The following GALNT13 variants were observed in gnomAD, a reference collection of about 807,000 sequenced individuals.
GALNT13 encodes the protein UDP-GalNAc:polypeptide N-acetylgalactosaminyltransferase 13.
GALNT13 carries 28 observed loss-of-function variants against 64.2 expected under a neutral mutation model. The ratio of observed to expected loss-of-function variants is 0.44; its 90% confidence interval spans 0.32 to 0.60. GALNT13 has a LOEUF of 0.60. Ranked by LOEUF, GALNT13 falls within the 20% of genes least tolerant of loss-of-function variation. GALNT13 has a pLI of 0.05. For synonymous variants in GALNT13, 214 were observed against 224.6 expected, an observed-to-expected ratio of 0.95 and a Z score of 0.42; for missense variants, 577 against 669.8, an observed-to-expected ratio of 0.86 and a Z score of 1.53.
chr2:153,451,711 C>T, the GALNT13 span, among the ~76,000 whole-genome samples: 31 of 152,244 alleles, frequency 2.0e-4, no homozygotes, highest in South Asian at 4.1e-4. Flanking sequence ...ATTTCATTTT[C>T]GATACTGTAA....
At chr2:154,174,254 TTAA>T (rs1685526372) in intron 4 of GALNT13, among the ~76,000 whole-genome samples, 1 of 152,156 alleles carries the variant, frequency 6.6e-6, no homozygotes, top group Non-Finnish European at 1.5e-5. Context: ...TTTCAAATGC[TTAA>T]TCAAATACTG....
chr2:154,322,155 T>A (rs1422363966), intron 9 of GALNT13, among the ~76,000 whole-genome samples: 1 of 143,398 alleles, frequency 7.0e-6, no homozygotes, highest in East Asian at 2.0e-4. Flanking sequence ...TTTTTTTTTT[T>A]TTTTTTTTTT....
At chr2:153,410,871 ATT>A in the GALNT13 span, among the ~76,000 whole-genome samples, 14 of 150,346 alleles carry the variant, frequency 9.3e-5, no homozygotes, top group African/African-American at 2.0e-4. Context: ...ATAAATATAT[ATT>A]TAGAGAGAGA....
At chr2:154,433,359 A>C (rs1443341029) in intron 11 of GALNT13, among the ~76,000 whole-genome samples, 1 of 152,170 alleles carries the variant, frequency 6.6e-6, no homozygotes, top group Non-Finnish European at 1.5e-5. Flanking sequence ...AGAGATGGGA[A>C]TCTCTAAGAA....
At chr2:154,325,022 T>C (rs1694808421) in intron 9 of GALNT13, among the ~76,000 whole-genome samples, 1 of 152,076 alleles carries the variant, frequency 6.6e-6, no homozygotes, top group Non-Finnish European at 1.5e-5. Context: ...CATTCTTCCC[T>C]GAGCTCTGCA....
chr2:153,730,325 A>G, the GALNT13 span, among the ~76,000 whole-genome samples: 2 of 152,022 alleles, frequency 1.3e-5, no homozygotes, highest in Non-Finnish European at 2.9e-5. Context: ...AATTGACAAA[A>G]TAATACAAAT....
the GALNT13 span, among the ~76,000 whole-genome samples, chr2:153,601,201 G>T: frequency 6.7e-6 from 1 of 149,370 alleles, no homozygotes. Flanking sequence ...GCACAGTATT[G>T]GTTAGAAACT....
the GALNT13 span, among the ~76,000 whole-genome samples, chr2:153,570,755 T>G: frequency 6.6e-6 from 1 of 152,088 alleles, no homozygotes. Flanking sequence ...TTGTGGAAAA[T>G]GAGTTCATTG....
the GALNT13 span, among the ~76,000 whole-genome samples, chr2:153,588,734 C>A: frequency 6.6e-6 from 1 of 152,220 alleles, no homozygotes; most frequent in Non-Finnish European, 1.5e-5. Context: ...GCTTGAATTT[C>A]TCCTCAGAAA....
At chr2:153,441,757 T>C in the GALNT13 span, among the ~76,000 whole-genome samples, 1 of 152,178 alleles carries the variant, frequency 6.6e-6, no homozygotes, top group African/African-American at 2.4e-5. Context: ...TTGTCTATTA[T>C]TGGTATATAG....
chr2:153,941,226 C>T (rs1691316943), intron 2 of GALNT13, among the ~76,000 whole-genome samples: 1 of 152,232 alleles, frequency 6.6e-6, no homozygotes, highest in Non-Finnish European at 1.5e-5. Context: ...GAACTTCTGA[C>T]CTCAGATGAT....
At chr2:153,429,541 C>T in the GALNT13 span, among the ~76,000 whole-genome samples, 1 of 151,932 alleles carries the variant, frequency 6.6e-6, no homozygotes, top group African/African-American at 2.4e-5. Context: ...TTAATTTTAC[C>T]TTAACTTAGT....
At chr2:153,723,082 G>A in the GALNT13 span, among the ~76,000 whole-genome samples, 2 of 149,428 alleles carry the variant, frequency 1.3e-5, no homozygotes, top group South Asian at 2.2e-4. Flanking sequence ...GAATCCAGCA[G>A]CACATCAAAA....
At chr2:153,938,590 C>A (rs943504225) in intron 2 of GALNT13, among the ~76,000 whole-genome samples, 1 of 152,142 alleles carries the variant, frequency 6.6e-6, no homozygotes, top group African/African-American at 2.4e-5. Context: ...CTAATGAATA[C>A]CACAGACTGG....
chr2:153,197,428 T>A, the GALNT13 span, among the ~76,000 whole-genome samples: 1 of 152,220 alleles, frequency 6.6e-6, no homozygotes, highest in Non-Finnish European at 1.5e-5. Flanking sequence ...ATATGCTATA[T>A]CAATGGCCAA....
the GALNT13 span, among the ~76,000 whole-genome samples, chr2:153,739,186 A>G: frequency 2.8e-3 from 419 of 152,028 alleles, 1 homozygote; most frequent in African/African-American, 9.0e-3. Flanking sequence ...TTAAATCCAT[A>G]TTTGCAACAT....
At chr2:153,256,077 C>T in the GALNT13 span, among the ~76,000 whole-genome samples, 1 of 152,256 alleles carries the variant, frequency 6.6e-6, no homozygotes, top group Non-Finnish European at 1.5e-5. Context: ...AACTTGGTTC[C>T]ATTCTCCCCA....
the GALNT13 span, among the ~76,000 whole-genome samples, chr2:153,407,885 T>G: frequency 6.6e-6 from 1 of 152,134 alleles, no homozygotes; most frequent in Non-Finnish European, 1.5e-5. Flanking sequence ...TTATCTAAAA[T>G]TTAAAGTGGG....
At chr2:153,096,485 C>T in the GALNT13 span, among the ~76,000 whole-genome samples, 2 of 152,078 alleles carry the variant, frequency 1.3e-5, no homozygotes, top group Non-Finnish European at 2.9e-5. Context: ...CAGGTATTAT[C>T]GAATTGGAGT....
Sources: gnomAD v4.1 joint callset for allele counts (sites outside exome capture counted in the v4.1 genomes callset) on GRCh38, gnomAD v4.1.1 for gene constraint, MANE v1.5 for transcripts, NCBI Gene and HGNC (gene_info 2026-07-23, HGNC 2026-07-21) for gene names.